ARHGAP23: variants seen among roughly 807,000 people sequenced by gnomAD.
ARHGAP23 encodes Rho GTPase activating protein 23, also known as rho GTPase-activating protein 23.
Under a neutral mutation model 136.3 loss-of-function variants are expected in ARHGAP23, and 34 were observed. The ratio of observed to expected loss-of-function variants is 0.25; its 90% confidence interval spans 0.19 to 0.33. The LOEUF (loss-of-function observed/expected upper bound fraction) is 0.33. Among genes scored for constraint, ARHGAP23 ranks in the 10% least tolerant of loss-of-function variants. The probability of loss-of-function intolerance (pLI) is 1.00; values close to 1 mark genes in which losing one functional copy is unlikely to be tolerated. For missense variants in ARHGAP23, 1,808 were observed against 2,139.0 expected, an observed-to-expected ratio of 0.85 and a Z score of 3.05; for synonymous variants, 832 against 920.5, an observed-to-expected ratio of 0.90 and a Z score of 1.74.
At position 38,484,683 on chromosome 17, in the gene ARHGAP23, C is replaced by T. The variant is rs966088229; in HGVS notation, c.2908-1379C>T. On this transcript the variant is annotated intron_variant, in intron 16 of 23. Transcript: ENST00000622683. ...GTAACGGAGTCGGGTGGGCAGGAGCCGCACTGGGTGTGTGTGAGATGAGGG... is the reference window on the plus strand; with the variant it reads ...GTAACGGAGTCGGGTGGGCAGGAGCTGCACTGGGTGTGTGTGAGATGAGGG... Among the ~76,000 whole-genome samples, 20 of 152,062 alleles carry T rather than the reference C, an allele frequency of 1.3e-4. No individual in the cohort carries two copies. In the South Asian group the frequency reaches 1.7e-3, roughly 13 times the overall value.
rs1420760358 is a variant in ARHGAP23, at chr17:38,491,055, A to G, written c.3151-352A>G. On this transcript the variant is annotated intron_variant, in intron 19 of 23. Coordinates refer to ENST00000622683, the MANE Select transcript of ARHGAP23 (RefSeq NM_001199417.2). ...TGCCTCAGCCTCCCGAGTAGCTGGG[A>G]TTACAGGCACCTGGAAGTGATCGGA... Among the ~76,000 whole-genome samples the G allele has an allele frequency of 2.0e-5, 3 of 150,580 alleles. No homozygotes were observed. The Admixed American group carries it at 2.0e-4, about 10-fold the overall frequency.
chr17:38,498,270 C>T (rs1344908238), intron 21 of ARHGAP23, 144 bp from the exon 22 acceptor site: 24 of 619,006 alleles, frequency 3.9e-5, no homozygotes, highest in Non-Finnish European at 5.9e-5. Context: ...CAAGAGCGCC[C>T]GGCTGATGAG....
At chr17:38,498,729 G>A (rs1018462414) in intron 22 of ARHGAP23, among the ~76,000 whole-genome samples, 5 of 152,158 alleles carry the variant, frequency 3.3e-5, no homozygotes, top group Non-Finnish European at 7.4e-5. Context: ...GCCCCGCCCC[G>A]GGCAGGGTCG....
intron 1 of ARHGAP23, among the ~76,000 whole-genome samples, chr17:38,445,431 C>T (rs1366623416): frequency 6.6e-6 from 1 of 151,618 alleles, no homozygotes; most frequent in Non-Finnish European, 1.5e-5. Context: ...GAGCTGAGAG[C>T]ACGCCATTGC....
intron 18 of ARHGAP23, 124 bp from the exon 19 acceptor site, chr17:38,490,338 G>A (rs1259657481): frequency 1.8e-6 from 2 of 1,097,482 alleles, no homozygotes; most frequent in African/African-American, 1.6e-5. Context: ...AGAACGGGGG[G>A]TTAGAGGATA....
chr17:38,507,989 C>T (rs780239327), intron 23 of ARHGAP23, among the ~76,000 whole-genome samples: 1 of 152,240 alleles, frequency 6.6e-6, no homozygotes, highest in Non-Finnish European at 1.5e-5. Flanking sequence ...AAGACAGGAA[C>T]CAGTCCCAGC....
chr17:38,453,426 T>C (rs796777309), intron 1 of ARHGAP23, among the ~76,000 whole-genome samples: 111 of 55,100 alleles, frequency 2.0e-3, no homozygotes, highest in East Asian at 7.0e-3. Flanking sequence ...TGCGTGCGTG[T>C]GTGTGTGTGT....
upstream of ARHGAP23, among the ~76,000 whole-genome samples, chr17:38,427,206 T>C (rs2038582929): frequency 6.6e-6 from 1 of 152,236 alleles, no homozygotes; most frequent in African/African-American, 2.4e-5. Context: ...CTCACGCCTA[T>C]AATCCCAGCA....
intron 1 of ARHGAP23, among the ~76,000 whole-genome samples, chr17:38,435,356 A>G (rs1304804114): frequency 2.0e-5 from 3 of 152,180 alleles, no homozygotes; most frequent in Non-Finnish European, 4.4e-5. Context: ...AAGTGCCCAG[A>G]GTCCCTTCAG....
chr17:38,447,734 C>G (rs1454356723), intron 1 of ARHGAP23, among the ~76,000 whole-genome samples: 1 of 152,208 alleles, frequency 6.6e-6, no homozygotes, highest in East Asian at 1.9e-4. Context: ...AGTCTGCAGA[C>G]AGGCCTAGAG....
intron 17 of ARHGAP23, among the ~76,000 whole-genome samples, chr17:38,488,454 A>G (rs1393236245): frequency 1.3e-5 from 2 of 152,182 alleles, no homozygotes; most frequent in African/African-American, 4.8e-5. Flanking sequence ...TACAGCTATT[A>G]ACCCTTTGTT....
At chr17:38,440,059 T>G (rs1003605755) in intron 1 of ARHGAP23, among the ~76,000 whole-genome samples, 1 of 151,652 alleles carries the variant, frequency 6.6e-6, no homozygotes, top group African/African-American at 2.4e-5. Context: ...TCTTGCTCTG[T>G]CACCCAGGCT....
intron 23 of ARHGAP23, among the ~76,000 whole-genome samples, chr17:38,502,943 G>A (rs1305691082): frequency 6.6e-6 from 1 of 152,176 alleles, no homozygotes; most frequent in Admixed American, 6.5e-5. Context: ...TACTTGGGAG[G>A]CTGAGGCAGG....
chr17:38,458,089 C>CT lies in ARHGAP23; in HGVS notation c.64-12dup. On this transcript the variant is annotated splice_polypyrimidine_tract_variant and intron_variant, in intron 1 of 23. Coordinates refer to ENST00000622683, the MANE Select transcript of ARHGAP23 (RefSeq NM_001199417.2). ...CACACGGGCGCTCAGCCTGGCCTCT[C>CT]TGTCTCCCACAGCTGCCACTGGGCC... 2.0e-6 allele frequency: 3 copies of CT among 1,535,976 alleles called. No individual in the cohort carries two copies. The highest frequency in any genetic ancestry group is 1.7e-6 in the Non-Finnish European group (2 of 1,146,880).
chr17:38,425,921 G>C (rs150546351), upstream of ARHGAP23, among the ~76,000 whole-genome samples: 3 of 151,974 alleles, frequency 2.0e-5, no homozygotes, highest in African/African-American at 4.8e-5. Flanking sequence ...GGGAGCGGGT[G>C]GGGGAGGCTG....
intron 1 of ARHGAP23, among the ~76,000 whole-genome samples, chr17:38,423,378 G>GT (rs570711820): frequency 0.017 from 2,417 of 143,790 alleles, 67 homozygotes; most frequent in African/African-American, 0.055. Flanking sequence ...TTTGCTTTTT[G>GT]TTTTTTTTTT....
chr17:38,442,652 G>A (rs2038944253), intron 1 of ARHGAP23, among the ~76,000 whole-genome samples: 1 of 152,210 alleles, frequency 6.6e-6, no homozygotes, highest in Admixed American at 6.5e-5. Context: ...GCAACAGGGT[G>A]GGTAGGAGTG....
intron 20 of ARHGAP23, among the ~76,000 whole-genome samples, chr17:38,494,156 C>A (rs1486715720): frequency 6.6e-6 from 1 of 152,184 alleles, no homozygotes; most frequent in Non-Finnish European, 1.5e-5. Flanking sequence ...GGATTGACGG[C>A]AGTGGCTCTG....
rs543166325 is a variant in ARHGAP23 at position 38,477,146 on chromosome 17, A to G, written c.2119-433A>G. Among the ~76,000 whole-genome samples the G allele has an allele frequency of 4.7e-4, 71 of 152,060 alleles. No homozygotes were observed. The highest frequency in any genetic ancestry group is 1.5e-3 in the African/African-American group (64 of 41,480). ...AGTGGAGTCTTGGGTGGGCGGCAGG[A>G]AAGTGGGGAGAACAACCCTCTAAGA... On this transcript the variant is annotated intron_variant, in intron 11 of 23. Coordinates refer to ENST00000622683, the MANE Select transcript of ARHGAP23 (RefSeq NM_001199417.2). This position sits in a 1 kb window ranked among gnomAD's most constrained non-coding sequence, Gnocchi z 6.6.
Sources: gnomAD v4.1 joint callset for allele counts (sites outside exome capture counted in the v4.1 genomes callset) on GRCh38, gnomAD v4.1.1 for gene constraint, Gnocchi (gnomAD v3.1) non-coding constraint, MANE v1.5 for transcripts, NCBI Gene and HGNC (gene_info 2026-07-23, HGNC 2026-07-21) for gene names.